CNTNAP5: variants seen among roughly 807,000 people sequenced by gnomAD.
CNTNAP5 encodes contactin-associated protein-like 5.
CNTNAP5 carries 72 observed loss-of-function variants against 150.2 expected under a neutral mutation model. The ratio of observed to expected loss-of-function variants is 0.48; its 90% CI spans 0.40 to 0.58. CNTNAP5 has a LOEUF of 0.58. CNTNAP5 is among the 20% of genes least tolerant of loss of function. CNTNAP5 has a pLI of 0.00. For synonymous variants in CNTNAP5, 672 were observed against 619.8 expected (o/e 1.08, Z -1.25); for missense variants, 1,636 against 1,626.2 (o/e 1.01, Z -0.10).
intron 3 of CNTNAP5, among the ~76,000 whole-genome samples, chr2:124,301,601 T>A (rs1039923610): frequency 2.0e-5 from 3 of 152,184 alleles, no homozygotes; most frequent in African/African-American, 7.2e-5. Context: ...CAGGACACAC[T>A]CATATCCCAT....
At chr2:124,294,882 C>A (rs112528910) in intron 3 of CNTNAP5, among the ~76,000 whole-genome samples, 2 of 152,006 alleles carry the variant, frequency 1.3e-5, no homozygotes, top group African/African-American at 4.8e-5. Context: ...CCGAGGCGGG[C>A]GGATCACAAG....
At chr2:124,184,557 T>C (rs1046396002) in intron 1 of CNTNAP5, among the ~76,000 whole-genome samples, 1 of 152,208 alleles carries the variant, frequency 6.6e-6, no homozygotes, top group African/African-American at 2.4e-5. Context: ...CTGACAACCT[T>C]ACTCTGATAG....
chr2:124,311,005 T>C (rs1486141563), intron 3 of CNTNAP5, among the ~76,000 whole-genome samples: 1 of 152,164 alleles, frequency 6.6e-6, no homozygotes, highest in Non-Finnish European at 1.5e-5. Flanking sequence ...TAAAACTCAG[T>C]ATATATTCCT....
At chr2:124,043,965 A>C (rs1347874) in intron 1 of CNTNAP5, among the ~76,000 whole-genome samples, 1 of 152,040 alleles carries the variant, frequency 6.6e-6, no homozygotes, top group South Asian at 2.1e-4. Context: ...CCCATGGGCC[A>C]GTTCTTGTCC....
At chr2:124,342,196 A>G (rs1689635567) in intron 3 of CNTNAP5, among the ~76,000 whole-genome samples, 2 of 152,304 alleles carry the variant, frequency 1.3e-5, no homozygotes, top group Admixed American at 6.5e-5. Context: ...GAGTTTAACC[A>G]TCTAGGTTCT....
chr2:124,831,512 A>C (rs931587402), intron 19 of CNTNAP5, among the ~76,000 whole-genome samples: 1 of 151,064 alleles, frequency 6.6e-6, no homozygotes, highest in Admixed American at 6.6e-5. Context: ...ATATTTTTCC[A>C]TCAAAAAACC....
chr2:124,401,115 C>G (rs1451541114), intron 3 of CNTNAP5, among the ~76,000 whole-genome samples: 1 of 152,206 alleles, frequency 6.6e-6, no homozygotes, highest in East Asian at 1.9e-4. Flanking sequence ...ATCCACCTGT[C>G]TCGTCCTGCC....
At chr2:124,736,576 C>A (rs1452480663) in intron 13 of CNTNAP5, among the ~76,000 whole-genome samples, 1 of 152,102 alleles carries the variant, frequency 6.6e-6, no homozygotes, top group Non-Finnish European at 1.5e-5. Context: ...ATGGTGGTCT[C>A]ATTCTATGCC....
intron 7 of CNTNAP5, among the ~76,000 whole-genome samples, chr2:124,498,015 G>A (rs1694191631): frequency 6.6e-6 from 1 of 152,190 alleles, no homozygotes; most frequent in African/African-American, 2.4e-5. Flanking sequence ...CTGTCCATCA[G>A]TCATGAGATG....
chr2:124,868,567 A>AC (rs914646681), intron 20 of CNTNAP5, among the ~76,000 whole-genome samples: 31 of 150,256 alleles, frequency 2.1e-4, no homozygotes, highest in African/African-American at 6.6e-4. Context: ...TCAACCCTAC[A>AC]CCCCCCCTTA....
At chr2:124,557,205 C>T (rs1695778431) in intron 10 of CNTNAP5, among the ~76,000 whole-genome samples, 1 of 152,062 alleles carries the variant, frequency 6.6e-6, no homozygotes, top group Non-Finnish European at 1.5e-5. Context: ...AAAGAACGTC[C>T]AATTTATGGT....
At chr2:124,212,514 A>C (rs146154369) in intron 1 of CNTNAP5, among the ~76,000 whole-genome samples, 176 of 152,346 alleles carry the variant, frequency 1.2e-3, no homozygotes, top group Non-Finnish European at 2.1e-3. Context: ...CCTATTCCAG[A>C]AACTTCTAAT....
chr2:124,706,841 A>AAAG (rs1238191788), intron 13 of CNTNAP5, among the ~76,000 whole-genome samples: 2 of 3,118 alleles, frequency 6.4e-4, no homozygotes, highest in Admixed American at 3.8e-3. Context: ...GAGGAGGGGG[A>AAAG]GGAAGGAGGA....
At chr2:124,038,404 G>T (rs1354871139) in intron 1 of CNTNAP5, among the ~76,000 whole-genome samples, 1 of 151,976 alleles carries the variant, frequency 6.6e-6, no homozygotes, top group East Asian at 1.9e-4. Flanking sequence ...TGCTTGCTTG[G>T]GTTTAGAGAG....
chr2:124,759,778 G>A (rs2105160120), intron 14 of CNTNAP5, among the ~76,000 whole-genome samples: 1 of 151,950 alleles, frequency 6.6e-6, no homozygotes, highest in East Asian at 1.9e-4. Context: ...TGCAGATGTG[G>A]TCCAGTCCCT....
At chr2:124,785,166 T>G (rs918433970) in intron 17 of CNTNAP5, among the ~76,000 whole-genome samples, 3 of 151,962 alleles carry the variant, frequency 2.0e-5, no homozygotes, top group Admixed American at 6.6e-5. Flanking sequence ...AACAAACAAG[T>G]AAAAATGAAA....
intron 2 of CNTNAP5, among the ~76,000 whole-genome samples, chr2:124,237,147 A>G (rs765646914): frequency 3.9e-5 from 6 of 152,088 alleles, no homozygotes; most frequent in Non-Finnish European, 8.8e-5. Context: ...AAGAAAGAAA[A>G]CAAAAACACA....
chr2:124,822,630 T>A (rs1027347249), intron 19 of CNTNAP5, among the ~76,000 whole-genome samples: 2 of 152,170 alleles, frequency 1.3e-5, no homozygotes, highest in African/African-American at 4.8e-5. Context: ...GACAATGAAA[T>A]GAGAGAAACA....
rs182486514 is a variant in CNTNAP5, at chr2:124,818,020, G to A, written c.3217+19700G>A. Reference sequence around the variant, plus strand: ...CAGCGGACAGTTCCACCACTGCCCCGTGTTTTCACTTGGCAATTGTGCTAA... The same window carrying A: ...CAGCGGACAGTTCCACCACTGCCCCATGTTTTCACTTGGCAATTGTGCTAA... On this transcript the variant is annotated intron_variant, in intron 19 of 23. Transcript: ENST00000682447. Among the ~76,000 whole-genome samples the A allele has an allele frequency of 9.2e-5, 14 of 152,202 alleles. No homozygotes were observed. The East Asian group carries it at 1.2e-3, about 13-fold the overall frequency.
Sources: gnomAD v4.1 joint callset for allele counts (sites outside exome capture counted in the v4.1 genomes callset) on GRCh38, gnomAD v4.1.1 for gene constraint, MANE v1.5 for transcripts, NCBI Gene and HGNC (gene_info 2026-07-23, HGNC 2026-07-21) for gene names.